Variants in SAMD4A observed in about 807,000 individuals in gnomAD.
SAMD4A encodes the protein protein Smaug homolog 1.
SAMD4A carries 33 observed loss-of-function variants against 81.3 expected under a neutral mutation model. That is an observed-to-expected ratio of 0.41 (90% CI 0.31 to 0.54). SAMD4A has a LOEUF of 0.54. Ranked by LOEUF, SAMD4A falls within the 20% of genes least tolerant of loss-of-function variation. SAMD4A has a pLI of 0.37. For missense variants in SAMD4A, 854 were observed against 951.1 expected (o/e 0.90, Z 1.34); for synonymous variants, 389 against 382.1 (o/e 1.02, Z -0.21).
intron 2 of SAMD4A, chr14:54,682,099 C>T: frequency 1.0e-6 from 1 of 975,364 alleles, no homozygotes; most frequent in Non-Finnish European, 1.2e-6. Context: ...TCTCCGGATC[C>T]CTGTTCTTAT....
intron 3 of SAMD4A, chr14:54,702,841 T>C: frequency 2.3e-6 from 1 of 430,106 alleles, no homozygotes; most frequent in Non-Finnish European, 4.2e-6. Flanking sequence ...AGACAATAAA[T>C]GAAAGAAGGA....
intron 2 of SAMD4A, among the ~76,000 whole-genome samples, chr14:54,696,033 C>G (rs2036570462): frequency 6.6e-6 from 1 of 151,528 alleles, no homozygotes; most frequent in Non-Finnish European, 1.5e-5. Flanking sequence ...TTTCAAAACA[C>G]TACTTGCAGC....
At chr14:54,676,740 A>G (rs1282773018) in intron 2 of SAMD4A, among the ~76,000 whole-genome samples, 1 of 152,152 alleles carries the variant, frequency 6.6e-6, no homozygotes, top group Non-Finnish European at 1.5e-5. Context: ...GCCTTCTAAT[A>G]TTGCTGATTT....
chr14:54,746,677 A>G (rs1353492117), intron 4 of SAMD4A, among the ~76,000 whole-genome samples: 1 of 152,210 alleles, frequency 6.6e-6, no homozygotes, highest in African/African-American at 2.4e-5. Flanking sequence ...TCTGTTCATC[A>G]TCAATGGATT....
chr14:54,578,492 C>T (rs753156878), intron 2 of SAMD4A, among the ~76,000 whole-genome samples: 1 of 152,022 alleles, frequency 6.6e-6, no homozygotes, highest in Non-Finnish European at 1.5e-5. Context: ...GGGCGGATCA[C>T]TTGAGGTCAG....
intron 10 of SAMD4A, among the ~76,000 whole-genome samples, chr14:54,775,470 G>A (rs1200787438): frequency 2.0e-5 from 3 of 152,208 alleles, no homozygotes; most frequent in Non-Finnish European, 2.9e-5. Context: ...CTGGCATTTA[G>A]AGAAGTTTCT....
At chr14:54,722,826 G>A (rs1566603884) in intron 3 of SAMD4A, among the ~76,000 whole-genome samples, 3 of 152,202 alleles carry the variant, frequency 2.0e-5, no homozygotes, top group Admixed American at 6.5e-5. Flanking sequence ...TGAAAGTAAT[G>A]TTCTTGGAGG....
chr14:54,765,908 C>A (rs892093490), intron 8 of SAMD4A, among the ~76,000 whole-genome samples: 1 of 152,164 alleles, frequency 6.6e-6, no homozygotes, highest in Non-Finnish European at 1.5e-5. Flanking sequence ...TCCCCAAACC[C>A]TCATTTTTGC....
chr14:54,781,270 C>T (rs1178396753), intron 11 of SAMD4A, among the ~76,000 whole-genome samples: 1 of 152,236 alleles, frequency 6.6e-6, no homozygotes, highest in East Asian at 1.9e-4. Context: ...AGAATTGCAC[C>T]GTGGGTGCCA....
At chr14:54,706,386 C>G (rs1171875816) in intron 3 of SAMD4A, among the ~76,000 whole-genome samples, 1 of 151,578 alleles carries the variant, frequency 6.6e-6, no homozygotes, top group East Asian at 1.9e-4. Flanking sequence ...GGGCAGATCA[C>G]TTGAGGTCAG....
intron 2 of SAMD4A, among the ~76,000 whole-genome samples, chr14:54,670,883 T>C (rs147657892): frequency 8.1e-4 from 123 of 152,288 alleles, no homozygotes; most frequent in African/African-American, 2.7e-3. Context: ...AATATAAACA[T>C]TGCAGCCACA....
At chr14:54,782,093 G>T (rs2039012752) in intron 11 of SAMD4A, among the ~76,000 whole-genome samples, 1 of 152,168 alleles carries the variant, frequency 6.6e-6, no homozygotes, top group Non-Finnish European at 1.5e-5. Flanking sequence ...GAAGGTTTGG[G>T]GATTCTGGAG....
rs59110762 is a variant in SAMD4A at position 54,675,367 on chromosome 14, C to CAAAAAAAAAAAAAAAAAAAAA, written c.197-26675_197-26674insAAAAAAAAAAAAAAAAAAAAA. Among the ~76,000 whole-genome samples, 33 of 75,374 alleles carry CAAAAAAAAAAAAAAAAAAAAA rather than the reference C, an allele frequency of 4.4e-4. 2 individuals carry two copies. Among genetic ancestry groups the CAAAAAAAAAAAAAAAAAAAAA allele is most frequent in the East Asian group, 1.2e-3 (2 of 1,634 alleles). The allele number at this position is 75,374 out of a possible 152,430, so 49.4% of individuals were successfully genotyped here. A position where few individuals can be genotyped will look rare whatever the true frequency, so the allele number is the denominator to read the frequency against. On this transcript the variant is annotated intron_variant, in intron 2 of 12. Coordinates refer to ENST00000554335, the MANE Select transcript of SAMD4A (RefSeq NM_015589.6). The stretch of plus-strand genomic sequence containing the variant: ...GGCAACAAGAGTGAAACTCCGTCTC[C>CAAAAAAAAAAAAAAAAAAAAA]AAAAAAAAAAAAAAAAAAAAGGCAG...
intron 3 of SAMD4A, among the ~76,000 whole-genome samples, chr14:54,731,122 C>T (rs1288267796): frequency 6.6e-6 from 1 of 152,138 alleles, no homozygotes; most frequent in South Asian, 2.1e-4. Context: ...AGAAGCAGGC[C>T]GAAACCTAAC....
chr14:54,577,005 A>G (rs1405863640), intron 2 of SAMD4A, among the ~76,000 whole-genome samples: 2 of 152,210 alleles, frequency 1.3e-5, no homozygotes, highest in Non-Finnish European at 2.9e-5. Flanking sequence ...ATCCCAGGCA[A>G]CAGGAGAAGG....
rs115303811 is a variant in SAMD4A, at chr14:54,766,480, G to A, written c.1596+1940G>A. Reference sequence around the variant, plus strand: ...TGGAGCACAGAGGAGCAGCAGCAGCGGGCACCAAACCTGGAGCCAGAACAG... The same window carrying A: ...TGGAGCACAGAGGAGCAGCAGCAGCAGGCACCAAACCTGGAGCCAGAACAG... On this transcript the variant is annotated intron_variant, in intron 8 of 12. Transcript: ENST00000554335. Among the ~76,000 whole-genome samples the A allele has an allele frequency of 4.9e-3, 739 of 152,250 alleles. 6 individuals are homozygous for A. The highest frequency in any genetic ancestry group is 0.016 in the African/African-American group (679 of 41,554).
At chr14:54,597,377 T>G (rs2033938471) in intron 2 of SAMD4A, among the ~76,000 whole-genome samples, 1 of 149,744 alleles carries the variant, frequency 6.7e-6, no homozygotes, top group Non-Finnish European at 1.5e-5. Flanking sequence ...CGGGTTCAAG[T>G]GATTCTCTTG....
intron 3 of SAMD4A, chr14:54,703,993 ATGAAC>A (rs1474219373): frequency 6.6e-6 from 1 of 152,244 alleles, no homozygotes; most frequent in African/African-American, 2.4e-5. Flanking sequence ...TTACAGCTAC[ATGAAC>A]TGAAACAGTA....
rs1429304554 is a variant in SAMD4A, at chr14:54,684,436, G to T, written c.197-17626G>T. Among the ~76,000 whole-genome samples, 6 of 152,362 alleles carry T rather than the reference G, an allele frequency of 3.9e-5. No individual in the cohort carries two copies. In the East Asian group the frequency reaches 1.2e-3, roughly 29 times the overall value. ...ACCTTTTCCAGATGGACCGAGGCGG[G>T]TGAGCCCATTGTGGTGCCCAACAGG... On this transcript the variant is annotated intron_variant, in intron 2 of 12. Transcript: ENST00000554335.
Sources: allele counts gnomAD v4.1 joint callset (sites outside exome capture counted in the v4.1 genomes callset), GRCh38; gene constraint gnomAD v4.1.1; transcripts MANE v1.5; gene names NCBI Gene and HGNC (gene_info 2026-07-23, HGNC 2026-07-21).